ASTN2: variants seen among roughly 807,000 people sequenced by gnomAD.
ASTN2 encodes astrotactin-2.
A neutral mutation model predicts 139.8 loss-of-function variants in ASTN2; 54 were observed. The ratio of observed to expected loss-of-function variants is 0.39; its 90% CI spans 0.31 to 0.48. The LOEUF (loss-of-function observed/expected upper bound fraction) is 0.48. Ranked by LOEUF, ASTN2 falls within the 20% of genes least tolerant of loss-of-function variation. ASTN2 has a pLI of 0.95. For synonymous variants in ASTN2, 756 were observed against 719.5 expected (o/e 1.05, Z -0.81); for missense variants, 1,565 against 1,725.1 (o/e 0.91, Z 1.64).
chr9:116,652,876 T>A (rs1857998715), intron 16 of ASTN2, among the ~76,000 whole-genome samples: 1 of 152,174 alleles, frequency 6.6e-6, no homozygotes, highest in East Asian at 1.9e-4. Flanking sequence ...TAAACCAGTA[T>A]TTTCCACCTC....
chr9:116,813,924 T>C (rs2132259380), intron 12 of ASTN2, among the ~76,000 whole-genome samples: 1 of 151,478 alleles, frequency 6.6e-6, no homozygotes, highest in Middle Eastern at 3.4e-3. Context: ...TAATCCCAGC[T>C]ACCTGCAAGG....
intron 20 of ASTN2, among the ~76,000 whole-genome samples, chr9:116,443,014 A>T (rs1179017074): frequency 6.6e-6 from 1 of 152,242 alleles, no homozygotes; most frequent in Non-Finnish European, 1.5e-5. Flanking sequence ...TGAACAAGAG[A>T]GTCAAGGTCA....
intron 10 of ASTN2, among the ~76,000 whole-genome samples, chr9:116,902,301 T>C (rs977144247): frequency 6.6e-6 from 1 of 151,812 alleles, no homozygotes; most frequent in Non-Finnish European, 1.5e-5. Context: ...ACAAGAAAAG[T>C]TTAAAAAATA....
At chr9:117,154,790 T>C (rs998075688) in intron 3 of ASTN2, among the ~76,000 whole-genome samples, 12 of 152,088 alleles carry the variant, frequency 7.9e-5, no homozygotes, top group African/African-American at 2.4e-4. Context: ...ATGACATTGA[T>C]GTTCTGAGCC....
At chr9:116,647,796 C>T (rs778205359) in intron 17 of ASTN2, among the ~76,000 whole-genome samples, 1 of 152,132 alleles carries the variant, frequency 6.6e-6, no homozygotes, top group African/African-American at 2.4e-5. Context: ...CAACACTAGT[C>T]GAACCACTAG....
intron 10 of ASTN2, among the ~76,000 whole-genome samples, chr9:116,887,882 G>A (rs1833657307): frequency 1.3e-5 from 2 of 151,968 alleles, no homozygotes; most frequent in South Asian, 4.1e-4. Flanking sequence ...TGCCCAGGCT[G>A]GTCTCGAACT....
intron 6 of ASTN2, among the ~76,000 whole-genome samples, chr9:117,009,616 A>T (rs1275815160): frequency 6.6e-6 from 1 of 152,222 alleles, no homozygotes. Flanking sequence ...CTGCAGCAGC[A>T]GGAGACTTTA....
intron 10 of ASTN2, among the ~76,000 whole-genome samples, chr9:116,942,809 C>T (rs1835278424): frequency 1.3e-5 from 2 of 152,208 alleles, no homozygotes; most frequent in African/African-American, 4.8e-5. Flanking sequence ...GCAAGGACTT[C>T]AGGGAACACC....
intron 1 of ASTN2, among the ~76,000 whole-genome samples, chr9:117,357,942 G>T (rs752382242): frequency 1.3e-5 from 2 of 152,114 alleles, no homozygotes; most frequent in Non-Finnish European, 1.5e-5. Context: ...TTTTTGTGAC[G>T]TGGGCAAGTC....
chr9:117,113,821 T>C (rs539279620), intron 4 of ASTN2, among the ~76,000 whole-genome samples: 3 of 152,240 alleles, frequency 2.0e-5, no homozygotes, highest in South Asian at 2.1e-4. Context: ...ATCTAATCTA[T>C]AGTAACAAAA....
chr9:117,212,167 C>G (rs1832156084), intron 3 of ASTN2, among the ~76,000 whole-genome samples: 1 of 152,126 alleles, frequency 6.6e-6, no homozygotes, highest in African/African-American at 2.4e-5. Context: ...AGGGAAATGG[C>G]AGTCTCTCCA....
At chr9:116,957,828 A>G (rs1002493784) in intron 10 of ASTN2, among the ~76,000 whole-genome samples, 1 of 152,146 alleles carries the variant, frequency 6.6e-6, no homozygotes, top group South Asian at 2.1e-4. Flanking sequence ...CTACAGGCAC[A>G]TGCCACCACA....
intron 13 of ASTN2, among the ~76,000 whole-genome samples, chr9:116,758,991 C>T (rs560900196): frequency 6.6e-6 from 1 of 152,186 alleles, no homozygotes; most frequent in Non-Finnish European, 1.5e-5. Context: ...ACTTCTGGGC[C>T]CAAGCATTCC....
chr9:116,450,615 G>C, intron 20 of ASTN2, among the ~76,000 whole-genome samples: 1 of 152,124 alleles, frequency 6.6e-6, no homozygotes, highest in East Asian at 1.9e-4. Context: ...GGGCTGGAGA[G>C]GCTGCCAAAA....
In ASTN2 at chr9:117,365,089, C is replaced by T. The variant is rs146761388; in HGVS notation, c.442+49408G>A. On this transcript the variant is annotated intron_variant, in intron 1 of 22. Coordinates refer to ENST00000313400, the MANE Select transcript of ASTN2 (RefSeq NM_001365068.1). ...GCTTGAACCCTGGAGGTAGAGGTTG[C>T]AGTAAGCCAACATCACTTCACTGCA... Among the ~76,000 whole-genome samples, 1,014 of 151,372 alleles carry T rather than the reference C, an allele frequency of 6.7e-3. 7 individuals carry two copies. The highest frequency in any genetic ancestry group is 0.011 in the Non-Finnish European group (723 of 67,926).
chr9:116,798,383 T>C (rs1249710846), intron 13 of ASTN2, among the ~76,000 whole-genome samples: 2 of 152,220 alleles, frequency 1.3e-5, no homozygotes, highest in African/African-American at 4.8e-5. Flanking sequence ...GACAAGAGAA[T>C]AGAATGATGT....
At chr9:116,924,645 G>T (rs1834706962) in intron 10 of ASTN2, among the ~76,000 whole-genome samples, 1 of 152,062 alleles carries the variant, frequency 6.6e-6, no homozygotes, top group Non-Finnish European at 1.5e-5. Flanking sequence ...CGTTGCCATG[G>T]CATTTGTAAA....
intron 19 of ASTN2, among the ~76,000 whole-genome samples, chr9:116,543,312 C>T (rs1035821819): frequency 2.6e-5 from 4 of 151,314 alleles, no homozygotes; most frequent in Non-Finnish European, 5.9e-5. Context: ...TGGCGTGTGA[C>T]TGCCGTCCCA....
rs1438931837 is a variant in ASTN2 at position 117,142,930 on chromosome 9, A to G, written c.1016-1452T>C. On this transcript the variant is annotated intron_variant, in intron 3 of 22. Coordinates refer to ENST00000313400, the MANE Select transcript of ASTN2 (RefSeq NM_001365068.1). Reference sequence around the variant, plus strand: ...GCTACCTGCTGTCTGATGCCAAGAGATGGGATGTGCCAACAATTTCTGTTT... The same window carrying G: ...GCTACCTGCTGTCTGATGCCAAGAGGTGGGATGTGCCAACAATTTCTGTTT... Among the ~76,000 whole-genome samples the G allele has an allele frequency of 3.3e-5, 5 of 152,148 alleles. No homozygotes were observed. The South Asian group carries it at 1.0e-3, about 32-fold the overall frequency.
Sources: allele counts gnomAD v4.1 joint callset (sites outside exome capture counted in the v4.1 genomes callset), GRCh38; gene constraint gnomAD v4.1.1; transcripts MANE v1.5; gene names NCBI Gene and HGNC (gene_info 2026-07-23, HGNC 2026-07-21).